CDH7: variants seen among roughly 807,000 people sequenced by gnomAD.
CDH7 encodes the protein cadherin 7, also known as cadherin-7.
CDH7 carries 25 observed loss-of-function variants against 71.8 expected under a neutral mutation model. The observed-to-expected ratio is 0.35, with a 90% CI of 0.25 to 0.49. The LOEUF is 0.49. Ranked by LOEUF, CDH7 falls within the 20% of genes least tolerant of loss-of-function variation. The pLI, the probability that CDH7 is intolerant of heterozygous loss-of-function variation, is 0.99. For missense variants in CDH7, 862 were observed against 974.6 expected (o/e 0.88, Z 1.54); for synonymous variants, 381 against 363.8 (o/e 1.05, Z -0.54).
chr18:65,854,302 T>TTAGA (rs1555689561), intron 7 of CDH7, among the ~76,000 whole-genome samples: 1 of 150,774 alleles, frequency 6.6e-6, no homozygotes, highest in Non-Finnish European at 1.5e-5. Flanking sequence ...TAGACTTTGT[T>TTAGA]TAAATAAATA....
rs144853804 is a variant in CDH7, at chr18:65,830,448, C to T, written c.981+5617C>T. 3.7e-3 allele frequency among the ~76,000 whole-genome samples: 561 copies of T among 152,244 alleles called. 5 individuals carry two copies. The highest frequency in any genetic ancestry group is 0.024 in the East Asian group (126 of 5,166). ...AAGTCTTTCACTTCTTTTCAAAGGA[C>T]TGTATTACAATGAATATCAATATTT... On this transcript the variant is annotated intron_variant, in intron 6 of 11. Transcript: ENST00000397968.
intron 4 of CDH7, among the ~76,000 whole-genome samples, chr18:65,815,311 G>A (rs1190539368): frequency 2.6e-5 from 4 of 151,914 alleles, no homozygotes; most frequent in African/African-American, 9.7e-5. Flanking sequence ...AGGTGGGTGC[G>A]AATATTAGCG....
At chr18:65,835,188 C>T (rs1372301284) in intron 6 of CDH7, among the ~76,000 whole-genome samples, 1 of 152,074 alleles carries the variant, frequency 6.6e-6, no homozygotes, top group South Asian at 2.1e-4. Flanking sequence ...TCTTTTGAGG[C>T]TGTTTGACAG....
upstream of CDH7, chr18:65,750,269 G>T (rs1915825493): frequency 6.7e-6 from 1 of 150,308 alleles, no homozygotes; most frequent in Non-Finnish European, 1.5e-5. Context: ...AGTCCGAGGA[G>T]ATTGAAAGGG....
At chr18:65,751,393 A>C (rs1415789591) in intron 1 of CDH7, among the ~76,000 whole-genome samples, 1 of 152,224 alleles carries the variant, frequency 6.6e-6, no homozygotes, top group African/African-American at 2.4e-5. Flanking sequence ...GACAGACACC[A>C]GGTGCGACAC....
At position 65,762,841 on chromosome 18, in the gene CDH7, A is replaced by AG. The variant is rs754425783; in HGVS notation, c.-1dup. 1.3e-5 allele frequency: 21 copies of AG among 1,596,534 alleles called. No homozygotes were observed. The highest frequency in any genetic ancestry group is 1.5e-5 in the Non-Finnish European group (18 of 1,174,658). On this transcript the variant is annotated 5_prime_UTR_variant, in exon 2 of 12. Coordinates refer to ENST00000397968, the MANE Select transcript of CDH7 (RefSeq NM_004361.5). ...CACAGGAAAAAGAAAGAAAAAAAAA[A>AG]GATGAAGTTGGGCAAAGTGGAGTTC...
At chr18:65,796,712 T>C (rs1179239732) in intron 2 of CDH7, among the ~76,000 whole-genome samples, 2 of 152,178 alleles carry the variant, frequency 1.3e-5, no homozygotes, top group Non-Finnish European at 2.9e-5. Context: ...CCGAATCCCA[T>C]GGCTGTCATG....
At chr18:65,808,749 C>T (rs1911418426) in intron 2 of CDH7, among the ~76,000 whole-genome samples, 1 of 151,870 alleles carries the variant, frequency 6.6e-6, no homozygotes, top group Non-Finnish European at 1.5e-5. Context: ...TTCTTAAGGG[C>T]AGTGAAAAGC....
At chr18:65,810,036 G>A (rs199948262) in intron 3 of CDH7, 38 bp downstream of exon 3, 10 of 1,492,126 alleles carry the variant, frequency 6.7e-6, no homozygotes, top group East Asian at 4.6e-5. Context: ...GCTTGTGGCC[G>A]ATTTGGGGAG....
chr18:65,824,071 C>A (rs774068360), intron 5 of CDH7, among the ~76,000 whole-genome samples: 4 of 149,236 alleles, frequency 2.7e-5, no homozygotes, highest in Admixed American at 6.7e-5. Context: ...ATTGTCTAGG[C>A]TCCCAGACCA....
chr18:65,854,882 G>T, intron 7 of CDH7, among the ~76,000 whole-genome samples: 1 of 149,526 alleles, frequency 6.7e-6, no homozygotes, highest in African/African-American at 2.5e-5. Flanking sequence ...ATGTATATTG[G>T]TTCATACATA....
chr18:65,842,096 T>A (rs1037743282), intron 6 of CDH7, among the ~76,000 whole-genome samples: 2 of 152,170 alleles, frequency 1.3e-5, no homozygotes, highest in Non-Finnish European at 2.9e-5. Flanking sequence ...TTATCTCTCA[T>A]TTTAACCAGC....
chr18:65,809,166 A>C (rs1200843079), intron 2 of CDH7, among the ~76,000 whole-genome samples: 1 of 152,180 alleles, frequency 6.6e-6, no homozygotes, highest in African/African-American at 2.4e-5. Context: ...ACTTGGAGAC[A>C]GATTTAGAGA....
At position 65,886,714 on chromosome 18, in the gene CDH7, A is replaced by G. The variant is rs1914382515; in HGVS notation, c.*5820A>G. On this transcript the variant is annotated 3_prime_UTR_variant, in exon 12 of 12. Coordinates refer to ENST00000397968, the MANE Select transcript of CDH7 (RefSeq NM_004361.5). ...TACAATACTTTTTAAAGTCACAGTGACATATGTGTAATTAATAATTTATAC... is the reference window on the plus strand; with the variant it reads ...TACAATACTTTTTAAAGTCACAGTGGCATATGTGTAATTAATAATTTATAC... The G allele has an allele frequency of 6.6e-6, 1 of 152,166 alleles. No homozygotes were observed. Among genetic ancestry groups the G allele is most frequent in the African/African-American group, 2.4e-5 (1 of 41,452 alleles). 9.4% of individuals were successfully genotyped at this position (152,166 alleles called of 1,614,324 possible). A position where few individuals can be genotyped will look rare whatever the true frequency, so the allele number is the denominator to read the frequency against.
chr18:65,823,941 G>GC (rs1912032128), intron 5 of CDH7, among the ~76,000 whole-genome samples: 1 of 151,756 alleles, frequency 6.6e-6, no homozygotes, highest in African/African-American at 2.4e-5. Flanking sequence ...TTCTTCATCT[G>GC]CCCCCAAACT....
chr18:65,842,399 T>C (rs1912765969), intron 6 of CDH7, among the ~76,000 whole-genome samples: 1 of 151,978 alleles, frequency 6.6e-6, no homozygotes, highest in African/African-American at 2.4e-5. Flanking sequence ...TATATATGTG[T>C]ATATTTTCCT....
intron 10 of CDH7, among the ~76,000 whole-genome samples, chr18:65,861,889 T>A (rs1411557882): frequency 6.8e-6 from 1 of 147,612 alleles, no homozygotes; most frequent in Non-Finnish European, 1.5e-5. Context: ...ATTTAAAAAA[T>A]CTCATAAATA....
intron 4 of CDH7, 99 bp downstream of exon 4, chr18:65,814,703 T>G: frequency 8.3e-6 from 8 of 961,808 alleles, no homozygotes; most frequent in African/African-American, 3.3e-5. Flanking sequence ...AACATACCAT[T>G]TTATTATGCT....
intron 7 of CDH7, among the ~76,000 whole-genome samples, chr18:65,853,735 A>C (rs1913228794): frequency 6.6e-6 from 1 of 151,680 alleles, no homozygotes; most frequent in African/African-American, 2.4e-5. Context: ...GACCTCCTTC[A>C]TAACAACTTC....
Sources: allele counts gnomAD v4.1 joint callset (sites outside exome capture counted in the v4.1 genomes callset), GRCh38; gene constraint gnomAD v4.1.1; transcripts MANE v1.5; gene names NCBI Gene and HGNC (gene_info 2026-07-23, HGNC 2026-07-21).